OXCT1: variants seen among roughly 807,000 people sequenced by gnomAD.
OXCT1 encodes 3-oxoacid CoA-transferase 1, also known as succinyl-CoA:3-ketoacid coenzyme A transferase 1, mitochondrial.
Under a neutral mutation model 69.6 loss-of-function variants are expected in OXCT1, and 27 were observed. The observed-to-expected ratio is 0.39, with a 90% CI of 0.29 to 0.54. The LOEUF is 0.54. Ranked by LOEUF, OXCT1 falls within the 20% of genes least tolerant of loss-of-function variation. OXCT1 has a pLI of 0.72. For synonymous variants in OXCT1, 202 were observed against 217.8 expected (o/e 0.93, Z 0.64); for missense variants, 437 against 650.2 (o/e 0.67, Z 3.57).
chr5:41,755,876 T>A (rs1309360173), intron 14 of OXCT1, among the ~76,000 whole-genome samples: 1 of 152,100 alleles, frequency 6.6e-6, no homozygotes, highest in Non-Finnish European at 1.5e-5. Context: ...AATATAACAT[T>A]TCCTTTACAA....
At chr5:41,735,443 G>A (rs991792683) in intron 16 of OXCT1, among the ~76,000 whole-genome samples, 2 of 152,100 alleles carry the variant, frequency 1.3e-5, no homozygotes, top group African/African-American at 4.8e-5. Context: ...CAAAGGCTGT[G>A]GAATTAGTGT....
chr5:41,862,735 A>G lies in OXCT1; in HGVS notation c.94T>C (p.Phe32Leu). Reference sequence around the variant, plus strand: ...GTATGGCGATGAGCACTGGTGGAAAAGGAACAAACACATCCCTGAAATATT... The same window carrying G: ...GTATGGCGATGAGCACTGGTGGAAAGGGAACAAACACATCCCTGAAATATT... Reference protein sequence around the residue: ...ATWYKGCVCSFSTSAHRHTKF... With the variant: ...ATWYKGCVCSLSTSAHRHTKF... Residue 32 changes from phenylalanine (F) to leucine (L), a missense_variant, in exon 2 of 17, where the codon TTT (phenylalanine) becomes CTT (leucine). Physicochemically the swap from Phe to Leu is conservative, Grantham distance 22. This residue lies in a region of OXCT1 where 79 missense variants were observed against 61.5 expected (regional missense o/e 1.28). Coordinates refer to ENST00000196371, the MANE Select transcript of OXCT1 (RefSeq NM_000436.4). 1 of 1,607,150 alleles carries G rather than the reference A, an allele frequency of 6.2e-7. No homozygotes were observed. The highest frequency in any genetic ancestry group is 8.5e-7 in the Non-Finnish European group (1 of 1,173,930).
chr5:41,852,662 T>C (rs1004718230), intron 4 of OXCT1, among the ~76,000 whole-genome samples: 3 of 152,222 alleles, frequency 2.0e-5, no homozygotes, highest in Non-Finnish European at 4.4e-5. Flanking sequence ...ATCAGTTCCC[T>C]GGGAATCTAG....
rs1340088262 is a variant in OXCT1, at chr5:41,762,931, C to A, written c.1249-731G>T. Among the ~76,000 whole-genome samples the A allele has an allele frequency of 1.3e-5, 2 of 152,028 alleles. No individual in the cohort carries two copies. The highest frequency in any genetic ancestry group is 2.9e-5 in the Non-Finnish European group (2 of 67,988). The stretch of plus-strand genomic sequence containing the variant: ...ATCCGTCTATTCTGTCTCCTGCTTA[C>A]AGAGTTCTGGAAAAAGCAAGTGTTT... On this transcript the variant is annotated intron_variant, in intron 13 of 16. Transcript: ENST00000196371. The surrounding 1 kb of genome is among the most constrained non-coding windows in gnomAD (Gnocchi z 4.0).
intron 5 of OXCT1, among the ~76,000 whole-genome samples, chr5:41,844,089 C>A (rs1481790962): frequency 6.6e-6 from 1 of 152,108 alleles, no homozygotes; most frequent in Non-Finnish European, 1.5e-5. Context: ...AAATAGGCTT[C>A]TTTTATATTC....
At chr5:41,811,632 A>C (rs950554055) in intron 7 of OXCT1, among the ~76,000 whole-genome samples, 1 of 152,044 alleles carries the variant, frequency 6.6e-6, no homozygotes, top group Admixed American at 6.6e-5. Flanking sequence ...GAAAGCTAAA[A>C]GGGCCAGAGA....
At chr5:41,754,181 G>A (rs1182674517) in intron 14 of OXCT1, among the ~76,000 whole-genome samples, 4 of 98,382 alleles carry the variant, frequency 4.1e-5, no homozygotes, top group African/African-American at 1.6e-4. Flanking sequence ...AATATTCTTG[G>A]CAAGAGAATA....
At chr5:41,802,483 T>C (rs753114506) in intron 10 of OXCT1, among the ~76,000 whole-genome samples, 11 of 151,928 alleles carry the variant, frequency 7.2e-5, no homozygotes, top group Non-Finnish European at 1.5e-4. Context: ...AAGAAAAAAA[T>C]TTAACCTTTT....
chr5:41,805,767 A>C, intron 8 of OXCT1, 86 bp from the exon 9 acceptor site: 1 of 861,508 alleles, frequency 1.2e-6, no homozygotes, highest in Non-Finnish European at 2.0e-6. Context: ...CTGGAAAAAA[A>C]GATGAGCTCT....
intron 13 of OXCT1, among the ~76,000 whole-genome samples, chr5:41,766,568 C>CAAAAAAAAAAAAA (rs35725846): frequency 8.3e-6 from 1 of 120,026 alleles, no homozygotes; most frequent in African/African-American, 3.1e-5. Flanking sequence ...CATTGTACTC[C>CAAAAAAAAAAAAA]AAAAAAAAAA....
At chr5:41,739,616 A>G in intron 15 of OXCT1, 125 bp from the exon 16 acceptor site, 1 of 712,276 alleles carries the variant, frequency 1.4e-6, no homozygotes, top group Non-Finnish European at 2.5e-6. Context: ...CTATAATCCC[A>G]GCATTTTGGT....
chr5:41,763,301 C>T (rs1251615140), intron 13 of OXCT1, among the ~76,000 whole-genome samples: 1 of 152,086 alleles, frequency 6.6e-6, no homozygotes, highest in Non-Finnish European at 1.5e-5. Context: ...AGATAGATGG[C>T]AGCTGGCAAC....
Position 41,842,741 on chromosome 5 carries a change from G to C in OXCT1, c.605C>G (p.Ala202Gly). Residue 202 changes from alanine (A) to glycine (G), a missense_variant, in exon 6 of 17, where the codon GCA becomes GGA. This residue lies in a region of OXCT1 where 252 missense variants were observed against 397.4 expected (regional missense o/e 0.63). Transcript: ENST00000196371. ...CACCAAAGCAAAATCCCCTGTAATT[G>C]CTTCCTCCAAAATAAAGTGCTGACC... is the stretch of plus-strand genomic sequence containing the variant. ...FNGQHFILEE[A>G]ITGDFALVKA... The C allele has an allele frequency of 6.2e-7, 1 of 1,613,766 alleles. No homozygotes were observed. Among genetic ancestry groups the C allele is most frequent in the Non-Finnish European group, 8.5e-7 (1 of 1,179,690 alleles).
At chr5:41,824,225 C>T (rs1747698506) in intron 7 of OXCT1, among the ~76,000 whole-genome samples, 1 of 152,134 alleles carries the variant, frequency 6.6e-6, no homozygotes, top group Non-Finnish European at 1.5e-5. Flanking sequence ...AAAATATACA[C>T]AATAAAACCT....
At chr5:41,843,117 C>A (rs1483454902) in intron 5 of OXCT1, among the ~76,000 whole-genome samples, 1 of 152,108 alleles carries the variant, frequency 6.6e-6, no homozygotes, top group Non-Finnish European at 1.5e-5. Context: ...AAAAATAGTC[C>A]TTCTTTCCCT....
chr5:41,754,911 G>C (rs78510623), intron 14 of OXCT1, among the ~76,000 whole-genome samples: 24 of 152,116 alleles, frequency 1.6e-4, no homozygotes, highest in African/African-American at 5.5e-4. Flanking sequence ...ACGGTCTTCA[G>C]GGTTTTGAGA....
At chr5:41,834,252 A>G (rs1748242689) in intron 7 of OXCT1, among the ~76,000 whole-genome samples, 1 of 151,916 alleles carries the variant, frequency 6.6e-6, no homozygotes, top group Non-Finnish European at 1.5e-5. Context: ...AAGAAAGAAG[A>G]CCACAAAACA....
rs750604881 is a variant in OXCT1 at position 41,805,669 on chromosome 5, G to A, written c.853C>T (p.Arg285Trp). The change falls in exon 9 of 17, where the codon CGG becomes TGG. Residue 285 changes from arginine (R) to tryptophan (W), a missense_variant. By Grantham distance (101) the Arg-to-Trp change is moderately radical. Coordinates refer to ENST00000196371, the MANE Select transcript of OXCT1 (RefSeq NM_000436.4). Reference sequence around the variant, plus strand: ...TTGGCTTCCCCATCTCCCTCTTTCCGGATTGATAAACGCTTTAAATTAAAC... The same window carrying A: ...TTGGCTTCCCCATCTCCCTCTTTCCAGATTGATAAACGCTTTAAATTAAAC... The part of the protein sequence containing the change: ...YEKRIERLSI[R>W]KEGDGEAKSA... The A allele has an allele frequency of 4.7e-5, 75 of 1,603,988 alleles. No homozygotes were observed. The highest frequency in any genetic ancestry group is 6.1e-5 in the Non-Finnish European group (71 of 1,171,322).
At position 41,812,329 on chromosome 5, in the gene OXCT1, A is replaced by G. The variant is rs114733805; in HGVS notation, c.733-4891T>C. 4.9e-3 allele frequency among the ~76,000 whole-genome samples: 750 copies of G among 152,184 alleles called. 8 individuals carry two copies. The highest frequency in any genetic ancestry group is 0.017 in the African/African-American group (703 of 41,572). ...GCAGGATCAAGAGGTCAGAAACTCA[A>G]AATCACAAATGGGCTTATGAAAGAT... On this transcript the variant is annotated intron_variant, in intron 7 of 16. Coordinates refer to ENST00000196371, the MANE Select transcript of OXCT1 (RefSeq NM_000436.4).
Sources: allele counts gnomAD v4.1 joint callset (sites outside exome capture counted in the v4.1 genomes callset), GRCh38; gene constraint gnomAD v4.1.1; regional missense constraint gnomAD v4.1.1; non-coding constraint Gnocchi (gnomAD v3.1); transcripts MANE v1.5; gene names NCBI Gene and HGNC (gene_info 2026-07-23, HGNC 2026-07-21).